Variants in CSMD1 observed in about 807,000 individuals in gnomAD.
The protein encoded by CSMD1 is CUB and Sushi multiple domains 1, also known as CUB and sushi domain-containing protein 1.
CSMD1 carries 213 observed loss-of-function variants against 417.5 expected under a neutral mutation model. The observed-to-expected ratio is 0.51, with a 90% confidence interval of 0.46 to 0.57. The LOEUF is 0.57. Among genes scored for constraint, CSMD1 ranks in the 20% least tolerant of loss-of-function variants. CSMD1 has a pLI of 0.00. For synonymous variants in CSMD1, 2,862 were observed against 1,736.8 expected (o/e 1.65, Z -16.11); for missense variants, 6,923 against 4,529.7 (o/e 1.53, Z -15.17).
intron 26 of CSMD1, among the ~76,000 whole-genome samples, chr8:3,236,407 T>C (rs370837533): frequency 6.6e-6 from 1 of 152,132 alleles, no homozygotes; most frequent in African/African-American, 2.4e-5. Context: ...GTTAGCCAGA[T>C]TGGACTAAAA....
intron 2 of CSMD1, among the ~76,000 whole-genome samples, chr8:4,619,741 T>G (rs572623611): frequency 6.6e-6 from 1 of 152,276 alleles, no homozygotes; most frequent in East Asian, 1.9e-4. Flanking sequence ...CTTTGTTTTC[T>G]GAAGAGGAAG....
chr8:4,919,869 A>C (rs4366097), intron 1 of CSMD1, among the ~76,000 whole-genome samples: 2 of 151,858 alleles, frequency 1.3e-5, no homozygotes, highest in Non-Finnish European at 2.9e-5. Flanking sequence ...AAGGGAGAGC[A>C]TTCCTTCCCT....
intron 1 of CSMD1, among the ~76,000 whole-genome samples, chr8:4,689,266 T>C (rs1273576320): frequency 6.6e-6 from 1 of 152,210 alleles, no homozygotes; most frequent in Non-Finnish European, 1.5e-5. Flanking sequence ...GAAACAAAGT[T>C]CACCAGCTCC....
chr8:3,803,859 CT>C (rs1445474796), intron 5 of CSMD1, among the ~76,000 whole-genome samples: 10 of 152,132 alleles, frequency 6.6e-5, no homozygotes, highest in Admixed American at 6.5e-4. Context: ...AGGTGTGAAG[CT>C]ACTGAGGAGA....
chr8:3,417,723 T>A (rs182008633), intron 12 of CSMD1, among the ~76,000 whole-genome samples: 4 of 152,126 alleles, frequency 2.6e-5, no homozygotes, highest in Non-Finnish European at 4.4e-5. Context: ...TAGATTCTCA[T>A]TTTTTTTCCC....
chr8:3,052,753 A>C, intron 49 of CSMD1, 106 bp from the exon 50 acceptor site: 1 of 806,560 alleles, frequency 1.2e-6, no homozygotes, highest in Non-Finnish European at 1.8e-6. Context: ...TTTTTCATTA[A>C]AATTGTGAAT....
intron 1 of CSMD1, among the ~76,000 whole-genome samples, chr8:4,738,680 AT>A (rs1810401918): frequency 1.3e-5 from 2 of 152,282 alleles, no homozygotes; most frequent in African/African-American, 2.4e-5. Context: ...AGTAAAAAAA[AT>A]CAGTATATTA....
At chr8:3,807,427 T>TA (rs1216114206) in intron 5 of CSMD1, among the ~76,000 whole-genome samples, 1 of 64,670 alleles carries the variant, frequency 1.5e-5, no homozygotes, top group African/African-American at 4.0e-5. Context: ...TTTTCTCTGA[T>TA]TTTTTTTATA....
chr8:3,908,449 C>G (rs2688308), intron 5 of CSMD1, among the ~76,000 whole-genome samples: 143,444 of 152,274 alleles, frequency 0.94, 67,705 homozygotes, highest in Middle Eastern at 0.99. Context: ...CGCAGATTTT[C>G]GGTGCACACA....
intron 50 of CSMD1, among the ~76,000 whole-genome samples, chr8:3,050,042 A>C (rs1419517825): frequency 1.3e-5 from 2 of 152,024 alleles, no homozygotes; most frequent in Non-Finnish European, 2.9e-5. Flanking sequence ...TACAAATTTA[A>C]AGTGGGTTTT....
chr8:3,392,114 G>A (rs1585096116), intron 17 of CSMD1, among the ~76,000 whole-genome samples: 1 of 125,876 alleles, frequency 7.9e-6, no homozygotes, highest in South Asian at 3.3e-4. Context: ...TGTGCGGTGG[G>A]GGGAGGGGGG....
chr8:3,224,032 G>C (rs963652089), intron 27 of CSMD1, among the ~76,000 whole-genome samples, 165 bp from the exon 28 acceptor site: 6 of 152,156 alleles, frequency 3.9e-5, no homozygotes, highest in African/African-American at 1.2e-4. Flanking sequence ...AAAATTGTAA[G>C]ACCCAGGAAC....
At chr8:3,740,507 G>C (rs1796743626) in intron 6 of CSMD1, among the ~76,000 whole-genome samples, 1 of 152,174 alleles carries the variant, frequency 6.6e-6, no homozygotes, top group Admixed American at 6.5e-5. Flanking sequence ...TCAGAGGAGG[G>C]TTCACCGATG....
chr8:3,369,697 C>G (rs545774200), intron 18 of CSMD1, among the ~76,000 whole-genome samples: 47 of 152,290 alleles, frequency 3.1e-4, no homozygotes, highest in African/African-American at 1.0e-3. Flanking sequence ...CTTAGCAGCA[C>G]TTCATTGAGT....
chr8:4,493,488 G>C (rs1801825752), intron 2 of CSMD1, among the ~76,000 whole-genome samples: 1 of 152,042 alleles, frequency 6.6e-6, no homozygotes, highest in Non-Finnish European at 1.5e-5. Flanking sequence ...TTGAGTCCAG[G>C]AGTTCAAGAA....
chr8:4,729,840 ACTCCTAAGTC>A (rs1188534631), intron 1 of CSMD1, among the ~76,000 whole-genome samples: 2 of 152,250 alleles, frequency 1.3e-5, no homozygotes, highest in Admixed American at 6.5e-5. Flanking sequence ...AAGCAAAGAT[ACTCCTAAGTC>A]CTAATCTTTC....
intron 7 of CSMD1, among the ~76,000 whole-genome samples, chr8:3,679,119 G>C (rs547851465): frequency 2.0e-5 from 3 of 152,068 alleles, no homozygotes; most frequent in Non-Finnish European, 2.9e-5. Context: ...GAAGAAAACT[G>C]TATCAACTAA....
chr8:4,770,295 T>A (rs997445328), intron 1 of CSMD1, among the ~76,000 whole-genome samples: 4 of 148,274 alleles, frequency 2.7e-5, no homozygotes, highest in African/African-American at 9.8e-5. Context: ...TATGGGAATA[T>A]ATATTATATA....
intron 26 of CSMD1, among the ~76,000 whole-genome samples, chr8:3,232,320 T>A (rs1410472095): frequency 6.6e-6 from 1 of 152,244 alleles, no homozygotes; most frequent in East Asian, 1.9e-4. Flanking sequence ...TCTTAAATGC[T>A]TAACTGGAAT....
Sources: allele counts gnomAD v4.1 joint callset (sites outside exome capture counted in the v4.1 genomes callset), GRCh38; gene constraint gnomAD v4.1.1; transcripts MANE v1.5; gene names NCBI Gene and HGNC (gene_info 2026-07-23, HGNC 2026-07-21).